Variants in GLIS3 observed in about 807,000 individuals in gnomAD.
The protein encoded by GLIS3 is zinc finger protein GLIS3.
GLIS3 carries 53 observed loss-of-function variants against 78.6 expected under a neutral mutation model. The ratio of observed to expected loss-of-function variants is 0.67; its 90% CI spans 0.54 to 0.85. GLIS3 has a LOEUF of 0.85. Among genes scored for constraint, GLIS3 ranks in the 40% least tolerant of loss-of-function variants. The pLI, the probability that GLIS3 is intolerant of heterozygous loss-of-function variation, is 0.00. For missense variants in GLIS3, 1,703 were observed against 1,231.1 expected (o/e 1.38, Z -5.74); for synonymous variants, 684 against 509.9 (o/e 1.34, Z -4.60).
At chr9:4,117,747 C>T (rs766895538) in intron 4 of GLIS3, 21 bp downstream of exon 4, 2 of 1,614,114 alleles carry the variant, frequency 1.2e-6, no homozygotes, top group South Asian at 2.2e-5. Flanking sequence ...AGAGGTCACC[C>T]CTTGCGCTTC....
At chr9:4,298,174 C>G (rs1381222093) in intron 1 of GLIS3, among the ~76,000 whole-genome samples, 1 of 152,030 alleles carries the variant, frequency 6.6e-6, no homozygotes, top group Non-Finnish European at 1.5e-5. Context: ...CGGGGACCTG[C>G]GCGCGCTGCC....
chr9:4,139,613 T>C lies in GLIS3; in HGVS notation c.389-13672A>G, dbSNP rs1331365910. Among the ~76,000 whole-genome samples, 7 of 152,240 alleles carry C rather than the reference T, an allele frequency of 4.6e-5. No homozygotes were observed. The South Asian group carries it at 1.2e-3, about 27-fold the overall frequency. The stretch of plus-strand genomic sequence containing the variant: ...TAGTCTAAGCCAGCAGTCCCCAACC[T>C]TTTTGGCCCCAGGGACTGGTTTCAT... On this transcript the variant is annotated intron_variant, in intron 2 of 10. Coordinates refer to ENST00000381971, the MANE Select transcript of GLIS3 (RefSeq NM_001042413.2).
intron 2 of GLIS3, among the ~76,000 whole-genome samples, chr9:4,225,265 G>T (rs984271839): frequency 2.6e-5 from 4 of 151,904 alleles, no homozygotes; most frequent in African/African-American, 9.7e-5. Context: ...TTAAAATTTT[G>T]GCCTAGGACC....
At chr9:4,135,900 T>A (rs779412778) in intron 2 of GLIS3, among the ~76,000 whole-genome samples, 4 of 152,176 alleles carry the variant, frequency 2.6e-5, no homozygotes, top group Admixed American at 6.5e-5. Flanking sequence ...ACCCTAGGCT[T>A]GCTATGTAGT....
Position 3,825,733 on chromosome 9 carries a change from A to C in GLIS3, c.*2539T>G, listed in dbSNP as rs1240085691. 1 of 152,256 alleles carries C rather than the reference A, an allele frequency of 6.6e-6. No homozygotes were observed. The highest frequency in any genetic ancestry group is 1.5e-5 in the Non-Finnish European group (1 of 68,062). 9.4% of individuals were successfully genotyped at this position (152,256 alleles called of 1,614,324 possible). A position where few individuals can be genotyped will look rare whatever the true frequency, so the allele number is the denominator to read the frequency against. On this transcript the variant is annotated 3_prime_UTR_variant, in exon 11 of 11. Coordinates refer to ENST00000381971, the MANE Select transcript of GLIS3 (RefSeq NM_001042413.2). ...TCTCGAATCTAAGCATAGTGTGTGT[A>C]GTCTGGAAGGCATCTGAACGTGTCC...
At chr9:4,098,446 CA>C (rs1180660729) in intron 4 of GLIS3, among the ~76,000 whole-genome samples, 2 of 152,132 alleles carry the variant, frequency 1.3e-5, no homozygotes, top group Non-Finnish European at 2.9e-5. Context: ...GTAACAGAAA[CA>C]TAACAAATGG....
intron 2 of GLIS3, among the ~76,000 whole-genome samples, chr9:4,254,232 G>C (rs1587164715): frequency 6.6e-6 from 1 of 152,164 alleles, no homozygotes. Flanking sequence ...ACCTCTATTA[G>C]TAAAACCAAT....
At chr9:4,297,967 G>GCGCCCGGCGGGGTA (rs1229713196) in intron 1 of GLIS3, among the ~76,000 whole-genome samples, 1 of 152,172 alleles carries the variant, frequency 6.6e-6, no homozygotes, top group Non-Finnish European at 1.5e-5. Context: ...GGAGGCGACA[G>GCGCCCGGCGGGGTA]CGCCCGGCGG....
intron 2 of GLIS3, among the ~76,000 whole-genome samples, chr9:4,189,979 G>C (rs371724343): frequency 6.6e-6 from 1 of 152,102 alleles, no homozygotes; most frequent in Non-Finnish European, 1.5e-5. Flanking sequence ...GGTCCTGTCT[G>C]TTAGAAGGAA....
chr9:4,299,005 G>C (rs1203688448), intron 1 of GLIS3, among the ~76,000 whole-genome samples: 5 of 152,168 alleles, frequency 3.3e-5, no homozygotes, highest in African/African-American at 1.2e-4. Context: ...TTTCCCTTCA[G>C]TGGGGACTCC....
chr9:4,437,224 C>T, the GLIS3 span, among the ~76,000 whole-genome samples: 12 of 152,256 alleles, frequency 7.9e-5, no homozygotes, highest in African/African-American at 2.6e-4. Flanking sequence ...TCTTTAAATA[C>T]TACTTTTGAT....
the GLIS3 span, among the ~76,000 whole-genome samples, chr9:4,459,170 A>G: frequency 6.6e-6 from 1 of 152,354 alleles, no homozygotes; most frequent in South Asian, 2.1e-4. Flanking sequence ...AATCCTTGTA[A>G]GAGATGATGA....
the GLIS3 span, among the ~76,000 whole-genome samples, chr9:4,363,916 T>C: frequency 1.3e-5 from 2 of 152,208 alleles, no homozygotes; most frequent in Non-Finnish European, 2.9e-5. Flanking sequence ...GTGTTTCCAG[T>C]TATGAGGAAG....
intron 2 of GLIS3, among the ~76,000 whole-genome samples, chr9:4,255,267 T>C (rs561428821): frequency 1.3e-5 from 2 of 152,206 alleles, no homozygotes; most frequent in Non-Finnish European, 2.9e-5. Context: ...CTGGTGGGTA[T>C]GCAAAATGGT....
At chr9:3,936,882 C>T in intron 5 of GLIS3, 146 bp downstream of exon 5, 1 of 1,047,880 alleles carries the variant, frequency 9.5e-7, no homozygotes. Flanking sequence ...CCCCATCTGG[C>T]CTTTTACCAG....
At chr9:4,191,981 A>T (rs935904041) in intron 2 of GLIS3, among the ~76,000 whole-genome samples, 8 of 151,978 alleles carry the variant, frequency 5.3e-5, no homozygotes, top group Non-Finnish European at 1.2e-4. Context: ...TTTTTGGAGG[A>T]GGTCTCTAAA....
intron 2 of GLIS3, among the ~76,000 whole-genome samples, chr9:4,229,295 A>G (rs1163677231): frequency 6.6e-6 from 1 of 152,228 alleles, no homozygotes. Context: ...CATACTTTCA[A>G]AAGATTTTAA....
At chr9:4,041,434 T>G (rs1020479574) in intron 4 of GLIS3, among the ~76,000 whole-genome samples, 2 of 152,174 alleles carry the variant, frequency 1.3e-5, no homozygotes, top group Non-Finnish European at 2.9e-5. Context: ...TCTGTTTTAG[T>G]TTTTGCACCT....
At chr9:4,082,492 G>A (rs1387964041) in intron 4 of GLIS3, among the ~76,000 whole-genome samples, 1 of 152,170 alleles carries the variant, frequency 6.6e-6, no homozygotes, top group Non-Finnish European at 1.5e-5. Context: ...GGTCTTGAGG[G>A]AGAAGAAAAA....
Sources: gnomAD v4.1 joint callset for allele counts (sites outside exome capture counted in the v4.1 genomes callset) on GRCh38, gnomAD v4.1.1 for gene constraint, MANE v1.5 for transcripts, NCBI Gene and HGNC (gene_info 2026-07-23, HGNC 2026-07-21) for gene names.